GABRB1: variants seen among roughly 807,000 people sequenced by gnomAD.
GABRB1 encodes gamma-aminobutyric acid receptor subunit beta-1.
A neutral mutation model predicts 51.6 loss-of-function variants in GABRB1; 17 were observed. The ratio of observed to expected loss-of-function variants is 0.33; its 90% confidence interval spans 0.23 to 0.49. The LOEUF is 0.49. Ranked by LOEUF, GABRB1 falls within the 20% of genes least tolerant of loss-of-function variation. The pLI is 0.99. For missense variants in GABRB1, 410 were observed against 600.6 expected (o/e 0.68, Z 3.32); for synonymous variants, 247 against 218.9 (o/e 1.13, Z -1.14).
chr4:47,402,180 A>G (rs1237517950), intron 5 of GABRB1, among the ~76,000 whole-genome samples: 1 of 152,204 alleles, frequency 6.6e-6, no homozygotes, highest in Admixed American at 6.5e-5. Context: ...TGCAAGGACA[A>G]GTTGATGGTG....
rs1489493805 is a variant in GABRB1, at chr4:47,373,282, T to C, written c.545-30036T>C. On this transcript the variant is annotated intron_variant, in intron 5 of 8. Coordinates refer to ENST00000295454, the MANE Select transcript of GABRB1 (RefSeq NM_000812.4). ...GCTTCTTCCATTCTTTTTATTTGAG[T>C]TGGGGTGAGAATGGTGGTTGAAATG... Among the ~76,000 whole-genome samples, 3 of 152,182 alleles carry C rather than the reference T, an allele frequency of 2.0e-5. No homozygotes were observed. In the East Asian group the frequency reaches 5.8e-4, roughly 29 times the overall value.
intron 3 of GABRB1, among the ~76,000 whole-genome samples, chr4:47,082,374 T>C (rs1727887429): frequency 6.6e-6 from 1 of 152,060 alleles, no homozygotes; most frequent in African/African-American, 2.4e-5. Flanking sequence ...TCTGACCTGC[T>C]CTCTTTGAGA....
chr4:47,206,440 C>T (rs1442407369), intron 4 of GABRB1, among the ~76,000 whole-genome samples: 4 of 151,922 alleles, frequency 2.6e-5, no homozygotes, highest in African/African-American at 9.7e-5. Context: ...TCTTTTGTAA[C>T]TGTGTCTCCG....
At chr4:47,404,328 T>C (rs1248420982) in intron 7 of GABRB1, among the ~76,000 whole-genome samples, 2 of 152,170 alleles carry the variant, frequency 1.3e-5, no homozygotes, top group Non-Finnish European at 2.9e-5. Context: ...AATTAATTGC[T>C]GAAAGCTGAC....
chr4:47,267,461 A>G (rs1378232558), intron 4 of GABRB1, among the ~76,000 whole-genome samples: 1 of 152,094 alleles, frequency 6.6e-6, no homozygotes, highest in Non-Finnish European at 1.5e-5. Flanking sequence ...TCAACTAAAG[A>G]TTCAGTCATC....
At chr4:47,227,065 T>A (rs539558831) in intron 4 of GABRB1, among the ~76,000 whole-genome samples, 1 of 152,160 alleles carries the variant, frequency 6.6e-6, no homozygotes, top group Admixed American at 6.6e-5. Flanking sequence ...AGCATTGCAG[T>A]GTTTATTATT....
At chr4:47,362,312 A>G (rs1237933995) in intron 5 of GABRB1, among the ~76,000 whole-genome samples, 2 of 152,162 alleles carry the variant, frequency 1.3e-5, no homozygotes, top group Admixed American at 6.6e-5. Flanking sequence ...AAATGGACAC[A>G]GGAATTATGG....
chr4:47,086,472 G>T (rs10011533), intron 3 of GABRB1, among the ~76,000 whole-genome samples: 3 of 152,128 alleles, frequency 2.0e-5, no homozygotes, highest in African/African-American at 7.2e-5. Context: ...ACTGAAAAAC[G>T]TGAACACTAG....
intron 8 of GABRB1, among the ~76,000 whole-genome samples, chr4:47,417,788 T>C (rs1361709344): frequency 6.6e-6 from 1 of 152,194 alleles, no homozygotes; most frequent in East Asian, 1.9e-4. Context: ...TAACTCACTG[T>C]TTGCAAAGTA....
chr4:47,282,241 G>C (rs1415470157), intron 4 of GABRB1, among the ~76,000 whole-genome samples: 1 of 151,856 alleles, frequency 6.6e-6, no homozygotes, highest in Non-Finnish European at 1.5e-5. Context: ...ATGTTCTTTT[G>C]TGGCTCTTAG....
intron 3 of GABRB1, among the ~76,000 whole-genome samples, chr4:47,127,574 G>A (rs1716213983): frequency 6.6e-6 from 1 of 151,444 alleles, no homozygotes; most frequent in Non-Finnish European, 1.5e-5. Flanking sequence ...AAGTGATTTG[G>A]CATGTAGTTT....
chr4:47,256,219 T>C (rs905085949), intron 4 of GABRB1, among the ~76,000 whole-genome samples: 7 of 152,230 alleles, frequency 4.6e-5, no homozygotes, highest in African/African-American at 1.7e-4. Flanking sequence ...GAAGATGTTC[T>C]TTAAGGACTC....
At chr4:47,229,951 A>T (rs1393309544) in intron 4 of GABRB1, among the ~76,000 whole-genome samples, 1 of 152,142 alleles carries the variant, frequency 6.6e-6, no homozygotes, top group African/African-American at 2.4e-5. Context: ...GTTTTAAGCC[A>T]CCAGATTTGT....
chr4:47,183,968 T>C (rs141839681), intron 4 of GABRB1, among the ~76,000 whole-genome samples: 13 of 152,054 alleles, frequency 8.5e-5, no homozygotes, highest in African/African-American at 2.9e-4. Flanking sequence ...CAACTGGAAG[T>C]TCTTCACTTT....
intron 3 of GABRB1, among the ~76,000 whole-genome samples, chr4:47,083,300 T>C (rs4645195): frequency 0.48 from 73,000 of 151,968 alleles, 17,909 homozygotes; most frequent in African/African-American, 0.56. Context: ...CTATGCTTCT[T>C]ATTACATATT....
chr4:47,082,249 C>T (rs796230839), intron 3 of GABRB1, among the ~76,000 whole-genome samples: 17 of 151,892 alleles, frequency 1.1e-4, no homozygotes, highest in African/African-American at 4.1e-4. Flanking sequence ...AACTTTATAT[C>T]ACTGTTATAA....
intron 3 of GABRB1, among the ~76,000 whole-genome samples, chr4:47,047,505 T>C (rs1272876101): frequency 6.6e-6 from 1 of 152,134 alleles, no homozygotes; most frequent in Non-Finnish European, 1.5e-5. Context: ...TGAACCTAGA[T>C]AATTAGCTTC....
chr4:47,287,245 T>A (rs1478176407), intron 4 of GABRB1, among the ~76,000 whole-genome samples: 2 of 152,196 alleles, frequency 1.3e-5, no homozygotes, highest in Non-Finnish European at 2.9e-5. Flanking sequence ...ATCTTTCCCT[T>A]TGGTTCTGTG....
intron 5 of GABRB1, among the ~76,000 whole-genome samples, chr4:47,353,258 A>G (rs1161736858): frequency 6.6e-6 from 1 of 152,174 alleles, no homozygotes; most frequent in African/African-American, 2.4e-5. Flanking sequence ...CAGCCAAACC[A>G]TATCAAACTG....
Sources: gnomAD v4.1 joint callset for allele counts (sites outside exome capture counted in the v4.1 genomes callset) on GRCh38, gnomAD v4.1.1 for gene constraint, MANE v1.5 for transcripts, NCBI Gene and HGNC (gene_info 2026-07-23, HGNC 2026-07-21) for gene names.